The following OBI1 variants were observed in gnomAD, a reference collection of about 807,000 sequenced individuals.
The protein encoded by OBI1 is ORC ubiquitin ligase 1, also known as ring finger protein 219.
A neutral mutation model predicts 62.4 loss-of-function variants in OBI1; 59 were observed. That is an observed-to-expected ratio of 0.95 (90% CI 0.77 to 1.17). OBI1 has a LOEUF of 1.17. OBI1 is among the 50% of genes most tolerant of loss of function. The pLI, the probability that OBI1 is intolerant of heterozygous loss-of-function variation, is 0.00. For synonymous variants in OBI1, 302 were observed against 292.8 expected, an observed-to-expected ratio of 1.03 and a Z score of -0.32; for missense variants, 875 against 830.9, an observed-to-expected ratio of 1.05 and a Z score of -0.65.
In OBI1 at chr13:78,642,117, T is replaced by G. The variant is rs761665430; in HGVS notation, c.300+5A>C. The G allele has an allele frequency of 6.5e-7, 1 of 1,548,578 alleles. No individual in the cohort carries two copies. The highest frequency in any genetic ancestry group is 2.2e-5 in the East Asian group (1 of 44,490). On this transcript the variant is annotated splice_donor_5th_base_variant and intron_variant, in intron 3 of 5. Transcript: ENST00000282003. ...ACATAATTTTAAACTTTGATTACTG[T>G]TTACCTCATATTCTTTGTGTAGTAA... is the stretch of plus-strand genomic sequence containing the variant.
At chr13:78,647,797 AG>A (rs1479873578) in intron 1 of OBI1, among the ~76,000 whole-genome samples, 1 of 150,092 alleles carries the variant, frequency 6.7e-6, no homozygotes, top group Non-Finnish European at 1.5e-5. Context: ...AATGATGGGC[AG>A]GTAATCATTT....
chr13:78,641,094 C>A (rs186670575), intron 3 of OBI1, among the ~76,000 whole-genome samples: 1 of 152,016 alleles, frequency 6.6e-6, no homozygotes, highest in Non-Finnish European at 1.5e-5. Context: ...AAATATGTCA[C>A]CTTAAATTGA....
chr13:78,645,141 T>C, intron 1 of OBI1, 144 bp from the exon 2 acceptor site: 1 of 720,814 alleles, frequency 1.4e-6, no homozygotes, highest in South Asian at 2.0e-5. Context: ...AAAACACTGC[T>C]TCTGTTGGTC....
At chr13:78,657,317 G>A (rs1876742292) in intron 1 of OBI1, among the ~76,000 whole-genome samples, 1 of 151,414 alleles carries the variant, frequency 6.6e-6, no homozygotes. Flanking sequence ...AATGCCTGAT[G>A]TCATGGATGA....
At chr13:78,638,706 T>C in intron 4 of OBI1, 117 bp downstream of exon 4, 2 of 925,554 alleles carry the variant, frequency 2.2e-6, no homozygotes, top group African/African-American at 1.7e-5. Flanking sequence ...CATCCAGAGA[T>C]TCTGTCCTTT....
chr13:78,641,446 A>C (rs1001908143), intron 3 of OBI1, among the ~76,000 whole-genome samples: 1 of 152,174 alleles, frequency 6.6e-6, no homozygotes, highest in African/African-American at 2.4e-5. Context: ...TTTTGAGTCA[A>C]GAGGGGATCG....
intron 5 of OBI1, 26 bp from the exon 6 acceptor site, chr13:78,617,148 T>A (rs1875337131): frequency 1.3e-6 from 2 of 1,500,000 alleles, no homozygotes; most frequent in Non-Finnish European, 1.8e-6. Flanking sequence ...AGATAGTTAA[T>A]CTTATAACTC....
At chr13:78,649,114 T>G (rs1876471253) in intron 1 of OBI1, among the ~76,000 whole-genome samples, 1 of 152,196 alleles carries the variant, frequency 6.6e-6, no homozygotes, top group Non-Finnish European at 1.5e-5. Context: ...AAATTTGTGA[T>G]GCTAAGCCCA....
chr13:78,630,683 A>G (rs1875819107), intron 5 of OBI1, among the ~76,000 whole-genome samples: 1 of 152,172 alleles, frequency 6.6e-6, no homozygotes, highest in Admixed American at 6.5e-5. Flanking sequence ...ATTCGAGGAT[A>G]CAGCAAAAAG....
chr13:78,625,267 A>T (rs1423250894), intron 5 of OBI1, among the ~76,000 whole-genome samples: 3 of 152,336 alleles, frequency 2.0e-5, no homozygotes, highest in South Asian at 4.1e-4. Context: ...AAATCTCAAT[A>T]CTGTAAAAGA....
chr13:78,645,923 T>C (rs934562699), intron 1 of OBI1, among the ~76,000 whole-genome samples: 1 of 152,226 alleles, frequency 6.6e-6, no homozygotes, highest in African/African-American at 2.4e-5. Context: ...GTGCTGGGAT[T>C]ACAGGCGTGA....
chr13:78,635,043 CCT>C, intron 5 of OBI1, 65 bp downstream of exon 5: 1 of 914,664 alleles, frequency 1.1e-6, no homozygotes, highest in Non-Finnish European at 1.7e-6. Context: ...AAAAACAAAC[CCT>C]CACAGCAGCC....
At chr13:78,649,951 G>A (rs1049782455) in intron 1 of OBI1, among the ~76,000 whole-genome samples, 7 of 152,174 alleles carry the variant, frequency 4.6e-5, no homozygotes, top group African/African-American at 1.2e-4. Context: ...AAGGGAAGTG[G>A]GTTACAGATT....
At chr13:78,639,462 T>A (rs988988553) in intron 3 of OBI1, among the ~76,000 whole-genome samples, 3 of 152,004 alleles carry the variant, frequency 2.0e-5, no homozygotes, top group Non-Finnish European at 4.4e-5. Context: ...GAACTAGGAA[T>A]ACCATTTGAC....
chr13:78,631,949 T>C (rs975655046), intron 5 of OBI1, among the ~76,000 whole-genome samples: 1 of 152,168 alleles, frequency 6.6e-6, no homozygotes, highest in Non-Finnish European at 1.5e-5. Context: ...TACCATGTTC[T>C]TGAGACCAAT....
At chr13:78,653,855 C>G (rs1876617143) in intron 1 of OBI1, among the ~76,000 whole-genome samples, 1 of 152,012 alleles carries the variant, frequency 6.6e-6, no homozygotes, top group Non-Finnish European at 1.5e-5. Flanking sequence ...TAGTGAAGAC[C>G]TGGAAAGACT....
At chr13:78,637,972 G>C (rs1157083852) in intron 4 of OBI1, among the ~76,000 whole-genome samples, 1 of 152,178 alleles carries the variant, frequency 6.6e-6, no homozygotes, top group Non-Finnish European at 1.5e-5. Context: ...TAATAATTTT[G>C]AGAGATAAGA....
chr13:78,631,233 G>GT (rs1305926149), intron 5 of OBI1, among the ~76,000 whole-genome samples: 2 of 152,024 alleles, frequency 1.3e-5, no homozygotes, highest in South Asian at 2.1e-4. Flanking sequence ...AAATGCAGTG[G>GT]TTGCAATAGT....
rs539706079 is a variant in OBI1, at chr13:78,617,334, A to C, written c.639-212T>G. The C allele has an allele frequency of 1.2e-5, 5 of 433,920 alleles. No homozygotes were observed. The South Asian group carries it at 2.2e-4, about 19-fold the overall frequency. The allele number at this position is 433,920 out of a possible 1,614,324, so 26.9% of individuals were successfully genotyped here. A position where few individuals can be genotyped will look rare whatever the true frequency, so the allele number is the denominator to read the frequency against. Reference sequence around the variant, plus strand: ...CATATGATAATAATAGCAAAACCTAATAGGATATTTTTGTGGTTAAATCAG... The same window carrying C: ...CATATGATAATAATAGCAAAACCTACTAGGATATTTTTGTGGTTAAATCAG... On this transcript the variant is annotated intron_variant, in intron 5 of 5. Transcript: ENST00000282003.
Sources: gnomAD v4.1 joint callset for allele counts (sites outside exome capture counted in the v4.1 genomes callset) on GRCh38, gnomAD v4.1.1 for gene constraint, MANE v1.5 for transcripts, NCBI Gene and HGNC (gene_info 2026-07-23, HGNC 2026-07-21) for gene names.